The following CNTN5 variants were observed in gnomAD, a reference collection of about 807,000 sequenced individuals.
The protein encoded by CNTN5 is contactin-5.
CNTN5 carries 77 observed loss-of-function variants against 129.1 expected under a neutral mutation model. The ratio of observed to expected loss-of-function variants is 0.60; its 90% CI spans 0.50 to 0.72. The LOEUF (loss-of-function observed/expected upper bound fraction) is 0.72, where lower values mean the gene tolerates loss of function less well. Ranked by LOEUF, CNTN5 falls within the 30% of genes least tolerant of loss-of-function variation. The pLI is 0.00. For synonymous variants in CNTN5, 509 were observed against 465.6 expected, an observed-to-expected ratio of 1.09 and a Z score of -1.20; for missense variants, 1,478 against 1,328.8, an observed-to-expected ratio of 1.11 and a Z score of -1.75.
chr11:99,702,087 A>G (rs1332745317), intron 3 of CNTN5, among the ~76,000 whole-genome samples: 1 of 151,070 alleles, frequency 6.6e-6, no homozygotes, highest in Non-Finnish European at 1.5e-5. Flanking sequence ...TAATAGAGAT[A>G]ACTCTCCTTA....
intron 3 of CNTN5, among the ~76,000 whole-genome samples, chr11:99,636,197 A>G (rs903662118): frequency 6.6e-6 from 1 of 152,174 alleles, no homozygotes; most frequent in Admixed American, 6.5e-5. Flanking sequence ...TGGGAATTCT[A>G]CTTTTATCTT....
rs1478208013 is a variant in CNTN5, at chr11:99,824,553, TTGTC to T, written c.277+4789_277+4792del. Among the ~76,000 whole-genome samples the T allele has an allele frequency of 5.9e-5, 9 of 152,130 alleles. No homozygotes were observed. In the South Asian group the frequency reaches 1.2e-3, roughly 21 times the overall value. ...TCAGAATGTAACTTAACTTTTTACT[TTGTC>T]AGTAGTACCTTTTGTTAAACAGAAT... On this transcript the variant is annotated intron_variant, in intron 4 of 24. Transcript: ENST00000524871.
At chr11:99,239,494 T>C (rs1861433522) in intron 1 of CNTN5, among the ~76,000 whole-genome samples, 1 of 152,188 alleles carries the variant, frequency 6.6e-6, no homozygotes, top group Non-Finnish European at 1.5e-5. Context: ...TTTAAAATTG[T>C]TGAAGGACGG....
chr11:99,181,666 T>C (rs1017596406), intron 1 of CNTN5, among the ~76,000 whole-genome samples: 8 of 152,116 alleles, frequency 5.3e-5, no homozygotes, highest in Non-Finnish European at 1.2e-4. Context: ...GAGGGGAGGA[T>C]GCATTATTTT....
At chr11:100,230,190 T>C (rs1415744865) in intron 16 of CNTN5, among the ~76,000 whole-genome samples, 1 of 152,176 alleles carries the variant, frequency 6.6e-6, no homozygotes, top group Non-Finnish European at 1.5e-5. Flanking sequence ...AACACAGCTA[T>C]AAAATGTCCT....
chr11:99,870,938 T>C (rs892321246), intron 6 of CNTN5, among the ~76,000 whole-genome samples: 1 of 152,098 alleles, frequency 6.6e-6, no homozygotes, highest in Non-Finnish European at 1.5e-5. Flanking sequence ...TTAGGTTCCA[T>C]ATGGCCGATT....
intron 16 of CNTN5, among the ~76,000 whole-genome samples, chr11:100,245,839 T>C (rs7103158): frequency 0.031 from 4,684 of 152,208 alleles, 218 homozygotes; most frequent in African/African-American, 0.11. Flanking sequence ...AGGTGAGTTA[T>C]CTGAACTTTC....
At chr11:99,889,741 C>T (rs1949009024) in intron 6 of CNTN5, among the ~76,000 whole-genome samples, 1 of 151,932 alleles carries the variant, frequency 6.6e-6, no homozygotes, top group African/African-American at 2.4e-5. Context: ...GTTTCACCAT[C>T]TTGGCCAGCT....
chr11:100,015,927 C>G (rs576520432), intron 9 of CNTN5, among the ~76,000 whole-genome samples: 28 of 152,154 alleles, frequency 1.8e-4, no homozygotes, highest in Middle Eastern at 3.4e-3. Context: ...TCTACAAATA[C>G]TTAATTCCAT....
At chr11:100,081,940 A>T (rs1456108167) in intron 13 of CNTN5, among the ~76,000 whole-genome samples, 3 of 152,204 alleles carry the variant, frequency 2.0e-5, no homozygotes, top group Non-Finnish European at 4.4e-5. Flanking sequence ...AGAGACAAAT[A>T]AAACTGAAAA....
chr11:99,271,835 A>G (rs1863186201), intron 1 of CNTN5, among the ~76,000 whole-genome samples: 2 of 151,822 alleles, frequency 1.3e-5, no homozygotes, highest in African/African-American at 2.4e-5. Context: ...CCTTGCCCAG[A>G]CTGACTGATC....
chr11:99,400,483 C>G (rs529843885), intron 2 of CNTN5, among the ~76,000 whole-genome samples: 3 of 152,140 alleles, frequency 2.0e-5, no homozygotes, highest in Non-Finnish European at 4.4e-5. Context: ...TTGATGGACA[C>G]TTAGGCTTAA....
At chr11:100,318,873 CTA>C in intron 21 of CNTN5, among the ~76,000 whole-genome samples, 1 of 152,140 alleles carries the variant, frequency 6.6e-6, no homozygotes, top group African/African-American at 2.4e-5. Context: ...ATTCTAATTG[CTA>C]ATTGACTAAA....
At chr11:100,352,084 G>A (rs1952429714) in intron 24 of CNTN5, among the ~76,000 whole-genome samples, 1 of 151,574 alleles carries the variant, frequency 6.6e-6, no homozygotes, top group African/African-American at 2.4e-5. Flanking sequence ...CTTGTGTCAT[G>A]GGGTTTTGTT....
chr11:99,443,235 A>G (rs928081535), intron 2 of CNTN5, among the ~76,000 whole-genome samples: 1 of 152,202 alleles, frequency 6.6e-6, no homozygotes. Context: ...AAACATGGAA[A>G]TATTTTCTTT....
At chr11:99,874,105 A>G (rs967761055) in intron 6 of CNTN5, among the ~76,000 whole-genome samples, 3 of 152,174 alleles carry the variant, frequency 2.0e-5, no homozygotes, top group African/African-American at 4.8e-5. Flanking sequence ...CCTACCAGGT[A>G]TAATGTTCAC....
intron 6 of CNTN5, among the ~76,000 whole-genome samples, chr11:99,866,635 A>G (rs1031558742): frequency 5.9e-5 from 9 of 152,218 alleles, no homozygotes; most frequent in Admixed American, 1.3e-4. Context: ...TTTAGAGCTG[A>G]AGTTTAGGAA....
At chr11:99,610,736 T>C (rs1950569474) in intron 3 of CNTN5, among the ~76,000 whole-genome samples, 1 of 152,128 alleles carries the variant, frequency 6.6e-6, no homozygotes, top group South Asian at 2.1e-4. Context: ...ATAGCTATAA[T>C]GAAAGGTCGC....
At chr11:100,105,233 T>C (rs779707810) in intron 13 of CNTN5, among the ~76,000 whole-genome samples, 8 of 152,178 alleles carry the variant, frequency 5.3e-5, no homozygotes, top group Admixed American at 1.3e-4. Context: ...AGGGTTTATT[T>C]GCCTTCAAAG....
Sources: gnomAD v4.1 joint callset for allele counts (sites outside exome capture counted in the v4.1 genomes callset) on GRCh38, gnomAD v4.1.1 for gene constraint, MANE v1.5 for transcripts, NCBI Gene and HGNC (gene_info 2026-07-23, HGNC 2026-07-21) for gene names.